DOCK8: variants seen among roughly 807,000 people sequenced by gnomAD.
DOCK8 encodes the protein dedicator of cytokinesis protein 8.
Under a neutral mutation model 245.6 loss-of-function variants are expected in DOCK8, and 141 were observed. The observed-to-expected ratio is 0.57, with a 90% CI of 0.50 to 0.66. DOCK8 has a LOEUF of 0.66. DOCK8 is among the 30% of genes least tolerant of loss of function. DOCK8 has a pLI of 0.00. For synonymous variants in DOCK8, 1,168 were observed against 970.2 expected (o/e 1.20, Z -3.79); for missense variants, 2,965 against 2,603.4 (o/e 1.14, Z -3.02).
In DOCK8 at chr9:332,393, G is replaced by C. The variant is rs2130859906; in HGVS notation, c.1045-5G>C. The C allele has an allele frequency of 1.3e-6, 2 of 1,598,022 alleles. No homozygotes were observed. Among genetic ancestry groups the C allele is most frequent in the Admixed American group, 3.3e-5 (2 of 59,970 alleles). On this transcript the variant is annotated splice_region_variant and splice_polypyrimidine_tract_variant and intron_variant, in intron 9 of 47. Coordinates refer to ENST00000432829, the MANE Select transcript of DOCK8 (RefSeq NM_203447.4). The stretch of plus-strand genomic sequence containing the variant: ...GCCTTATTTTAATATTCTTTTTATT[G>C]GTAGATTGAAAAAGTCCTGCAGCAG...
intron 1 of DOCK8, among the ~76,000 whole-genome samples, chr9:220,413 A>G (rs2046854605): frequency 6.6e-6 from 1 of 152,206 alleles, no homozygotes; most frequent in African/African-American, 2.4e-5. Context: ...AAAACGTAGT[A>G]ACATGTAGTT....
At chr9:302,835 A>C (rs1160965946) in intron 4 of DOCK8, among the ~76,000 whole-genome samples, 1 of 152,164 alleles carries the variant, frequency 6.6e-6, no homozygotes, top group African/African-American at 2.4e-5. Context: ...GTTATTGAAA[A>C]GTCATAAAAT....
At chr9:360,542 C>G (rs1198262472) in intron 14 of DOCK8, among the ~76,000 whole-genome samples, 2 of 152,148 alleles carry the variant, frequency 1.3e-5, no homozygotes, top group African/African-American at 4.8e-5. Context: ...TTTTTGCCTT[C>G]AGGTTAAACT....
At chr9:337,670 C>T (rs1214368476) in intron 12 of DOCK8, among the ~76,000 whole-genome samples, 3 of 152,156 alleles carry the variant, frequency 2.0e-5, no homozygotes, top group African/African-American at 7.2e-5. Context: ...AAATAAAAAA[C>T]TTCCTAGACT....
intron 13 of DOCK8, among the ~76,000 whole-genome samples, chr9:339,735 C>T (rs992111977): frequency 2.0e-5 from 3 of 152,166 alleles, no homozygotes; most frequent in Admixed American, 6.5e-5. Flanking sequence ...AGGATTGTCT[C>T]GATCTCTTGA....
At chr9:366,832 G>A (rs942362341) in intron 14 of DOCK8, among the ~76,000 whole-genome samples, 1 of 152,168 alleles carries the variant, frequency 6.6e-6, no homozygotes, top group African/African-American at 2.4e-5. Context: ...GCTGGGAAAT[G>A]CAGGTTGACA....
At chr9:407,162 A>C in intron 28 of DOCK8, 93 bp downstream of exon 28, 1 of 1,575,004 alleles carries the variant, frequency 6.3e-7, no homozygotes, top group African/African-American at 1.4e-5. Flanking sequence ...CTTGGTAAAA[A>C]ACTCTACTGT....
chr9:318,313 C>G (rs916097121), intron 7 of DOCK8, among the ~76,000 whole-genome samples: 5 of 152,196 alleles, frequency 3.3e-5, no homozygotes, highest in Non-Finnish European at 5.9e-5. Flanking sequence ...CTCAAAGTCA[C>G]TTCATAGGTC....
chr9:231,885 T>G (rs1342105679), intron 1 of DOCK8, among the ~76,000 whole-genome samples: 6 of 152,148 alleles, frequency 3.9e-5, no homozygotes, highest in African/African-American at 2.4e-5. Context: ...TGAATACCCT[T>G]TATTTCCTTC....
At chr9:373,026 G>A (rs1309745830) in intron 18 of DOCK8, among the ~76,000 whole-genome samples, 1 of 152,262 alleles carries the variant, frequency 6.6e-6, no homozygotes, top group East Asian at 1.9e-4. Context: ...AATTAGCCGG[G>A]CGTGGTGGCG....
At chr9:342,297 C>CTTTTTTTTTTTT (rs34071975) in intron 14 of DOCK8, among the ~76,000 whole-genome samples, 1 of 124,422 alleles carries the variant, frequency 8.0e-6, no homozygotes, top group Admixed American at 8.3e-5. Context: ...TTTCTTTTTT[C>CTTTTTTTTTTTT]TTTTTTTTTT....
intron 2 of DOCK8, 102 bp downstream of exon 2, chr9:271,831 C>T (rs1235357866): frequency 3.9e-6 from 3 of 764,586 alleles, no homozygotes; most frequent in Non-Finnish European, 6.6e-6. Flanking sequence ...CATCACCTCA[C>T]ATTCTCCAGT....
intron 26 of DOCK8, among the ~76,000 whole-genome samples, chr9:403,039 G>A (rs1316696216): frequency 6.6e-6 from 1 of 152,082 alleles, no homozygotes; most frequent in Non-Finnish European, 1.5e-5. Flanking sequence ...ACAGGTGTGT[G>A]GCACCACTCC....
chr9:279,434 G>C (rs999172922), intron 2 of DOCK8, among the ~76,000 whole-genome samples: 2 of 152,172 alleles, frequency 1.3e-5, no homozygotes, highest in Admixed American at 1.3e-4. Context: ...TGCAGATTGA[G>C]AAGAGATTTA....
intron 8 of DOCK8, among the ~76,000 whole-genome samples, chr9:327,689 A>C (rs1025305013): frequency 6.6e-6 from 1 of 152,128 alleles, no homozygotes; most frequent in African/African-American, 2.4e-5. Flanking sequence ...GAACCACCAC[A>C]CCCAGTCCTT....
chr9:244,458 C>CAGAA (rs2047456593), intron 1 of DOCK8, among the ~76,000 whole-genome samples: 1 of 151,990 alleles, frequency 6.6e-6, no homozygotes, highest in African/African-American at 2.4e-5. Context: ...CTTTTATACG[C>CAGAA]ACAGAGCACT....
chr9:334,997 C>T (rs142832310), intron 11 of DOCK8, among the ~76,000 whole-genome samples: 1 of 151,992 alleles, frequency 6.6e-6, no homozygotes, highest in South Asian at 2.1e-4. Flanking sequence ...GCAGGAGAAT[C>T]GCTTGAACCA....
In DOCK8 at chr9:377,231, G is replaced by A. The variant is rs781723864; in HGVS notation, c.2440+20G>A. On this transcript the variant is annotated intron_variant, in intron 20 of 47. Coordinates refer to ENST00000432829, the MANE Select transcript of DOCK8 (RefSeq NM_203447.4). The stretch of plus-strand genomic sequence containing the variant: ...AGACAGGTATGAACCTGCAGGGCTG[G>A]GCTGGGAGGAGGCAGGAGCAAGCAA... 10 of 1,555,428 alleles carry A rather than the reference G, an allele frequency of 6.4e-6. No individual in the cohort carries two copies. The highest frequency in any genetic ancestry group is 8.7e-6 in the Non-Finnish European group (10 of 1,154,134).
At chr9:410,269 C>G (rs1409808536) in intron 28 of DOCK8, among the ~76,000 whole-genome samples, 3 of 152,182 alleles carry the variant, frequency 2.0e-5, no homozygotes. Context: ...ACAGGCCCCC[C>G]TCAAGTAACC....
Sources: allele counts gnomAD v4.1 joint callset (sites outside exome capture counted in the v4.1 genomes callset), GRCh38; gene constraint gnomAD v4.1.1; transcripts MANE v1.5; gene names NCBI Gene and HGNC (gene_info 2026-07-23, HGNC 2026-07-21).